Variants in GRID1 observed in about 807,000 individuals in gnomAD.
GRID1 encodes the protein glutamate receptor ionotropic, delta-1.
In GRID1, 28 loss-of-function variants were observed where a neutral mutation model predicts 98.0. That is an observed-to-expected ratio of 0.29 (90% CI 0.21 to 0.39). The LOEUF (loss-of-function observed/expected upper bound fraction) is 0.39. Ranked by LOEUF, GRID1 falls within the 10% of genes least tolerant of loss-of-function variation. The pLI, the probability that GRID1 is intolerant of heterozygous loss-of-function variation, is 1.00. For missense variants in GRID1, 1,111 were observed against 1,340.5 expected (o/e 0.83, Z 2.67); for synonymous variants, 553 against 538.5 (o/e 1.03, Z -0.37).
intron 6 of GRID1, among the ~76,000 whole-genome samples, chr10:85,863,406 G>T (rs1843184975): frequency 6.6e-6 from 1 of 152,166 alleles, no homozygotes; most frequent in African/African-American, 2.4e-5. Flanking sequence ...TGGGGATTAG[G>T]TTTCGACATG....
chr10:85,922,532 C>T (rs1278490062), intron 4 of GRID1, among the ~76,000 whole-genome samples: 3 of 152,200 alleles, frequency 2.0e-5, no homozygotes, highest in Non-Finnish European at 4.4e-5. Context: ...TTTAAAACCC[C>T]AACTCTAACA....
intron 2 of GRID1, among the ~76,000 whole-genome samples, chr10:86,279,804 G>C (rs1335009182): frequency 1.3e-5 from 2 of 152,150 alleles, no homozygotes; most frequent in Non-Finnish European, 2.9e-5. Flanking sequence ...AAGCAAAACT[G>C]TCTTTCTTCA....
At chr10:85,648,942 A>G (rs1350724293) in intron 12 of GRID1, among the ~76,000 whole-genome samples, 5 of 152,208 alleles carry the variant, frequency 3.3e-5, no homozygotes, top group African/African-American at 9.7e-5. Flanking sequence ...CCCACAACCA[A>G]CACTGTGGTC....
At chr10:86,239,100 T>C (rs1263614658) in intron 2 of GRID1, among the ~76,000 whole-genome samples, 1 of 152,226 alleles carries the variant, frequency 6.6e-6, no homozygotes, top group Non-Finnish European at 1.5e-5. Flanking sequence ...GGCTGAGCCC[T>C]GCAGAGCCAT....
At position 86,184,169 on chromosome 10, in the gene GRID1, A is replaced by G. The variant is rs138981991; in HGVS notation, c.520+22195T>C. The stretch of plus-strand genomic sequence containing the variant: ...TCTATACATGATTTCTTTATCAGCT[A>G]TGTGATTCATAAATATTTCTCCTCA... On this transcript the variant is annotated intron_variant, in intron 3 of 15. Coordinates refer to ENST00000327946, the MANE Select transcript of GRID1 (RefSeq NM_017551.3). Among the ~76,000 whole-genome samples, 1,276 of 152,314 alleles carry G rather than the reference A, an allele frequency of 8.4e-3. 22 individuals are homozygous for G. Among genetic ancestry groups the G allele is most frequent in the African/African-American group, 0.029 (1,212 of 41,566 alleles).
intron 3 of GRID1, among the ~76,000 whole-genome samples, chr10:86,166,001 A>G (rs1312565909): frequency 6.6e-6 from 1 of 152,224 alleles, no homozygotes; most frequent in Admixed American, 6.5e-5. Context: ...AGACACGGGA[A>G]CATTTCACAT....
At chr10:86,352,069 G>A (rs1040733190) in intron 2 of GRID1, among the ~76,000 whole-genome samples, 15 of 152,214 alleles carry the variant, frequency 9.9e-5, no homozygotes, top group Admixed American at 7.8e-4. Flanking sequence ...TTAGGAGGCC[G>A]AGGCGAGCGG....
intron 2 of GRID1, among the ~76,000 whole-genome samples, chr10:86,213,453 A>G (rs1589413271): frequency 1.3e-5 from 2 of 151,796 alleles, no homozygotes; most frequent in East Asian, 3.9e-4. Context: ...AGAAGCCATC[A>G]TCACAAGCTA....
chr10:85,996,195 A>C (rs1842736814), intron 4 of GRID1, among the ~76,000 whole-genome samples: 1 of 152,252 alleles, frequency 6.6e-6, no homozygotes, highest in Non-Finnish European at 1.5e-5. Flanking sequence ...ATTGCTCAGA[A>C]TAAGAACAAG....
At chr10:86,114,014 G>C (rs766248914) in intron 4 of GRID1, among the ~76,000 whole-genome samples, 1 of 152,032 alleles carries the variant, frequency 6.6e-6, no homozygotes, top group Non-Finnish European at 1.5e-5. Context: ...CTGTGTAGTG[G>C]AGAGATGAGC....
At chr10:85,901,937 T>G (rs771484462) in intron 5 of GRID1, among the ~76,000 whole-genome samples, 5 of 152,224 alleles carry the variant, frequency 3.3e-5, no homozygotes, top group Admixed American at 6.5e-5. Flanking sequence ...AGAATAGATC[T>G]ATTGTGATTA....
chr10:86,160,038 A>T (rs1431830531), intron 3 of GRID1, among the ~76,000 whole-genome samples: 1 of 151,894 alleles, frequency 6.6e-6, no homozygotes, highest in Non-Finnish European at 1.5e-5. Flanking sequence ...ACCACCATCA[A>T]CACCAGCATC....
chr10:85,832,697 G>C (rs554432354), intron 8 of GRID1, among the ~76,000 whole-genome samples: 11 of 152,148 alleles, frequency 7.2e-5, no homozygotes, highest in Non-Finnish European at 1.3e-4. Context: ...GAAAAACATA[G>C]TGACAGGGTG....
Position 86,206,389 on chromosome 10 carries a change from G to A in GRID1, c.495C>T (p.Phe165=), listed in dbSNP as rs554303814. ...RLVTELRWQK[F]VMFYDSEYDI... is the part of the protein sequence containing the mutation. ...CATACTCGCTGTCGTAGAACATGACGAACTTCTGCCAGCGCAGCTCCGTCA... is the reference window on the plus strand; with the variant it reads ...CATACTCGCTGTCGTAGAACATGACAAACTTCTGCCAGCGCAGCTCCGTCA... Residue 165 remains phenylalanine (F), a synonymous_variant, in exon 3 of 16, where the codon TTC becomes TTT. Transcript: ENST00000327946. This position sits in a 1 kb window ranked among gnomAD's most constrained non-coding sequence, Gnocchi z 4.1. 9 of 1,606,784 alleles carry A rather than the reference G, an allele frequency of 5.6e-6. No individual in the cohort carries two copies. Among genetic ancestry groups the A allele is most frequent in the South Asian group, 2.2e-5 (2 of 90,782 alleles).
At chr10:85,984,874 C>T (rs889118722) in intron 4 of GRID1, among the ~76,000 whole-genome samples, 1 of 130,850 alleles carries the variant, frequency 7.6e-6, no homozygotes, top group African/African-American at 2.6e-5. Context: ...GCTCTTAACA[C>T]TCTGACTCTT....
At chr10:86,108,834 T>C (rs1844432776) in intron 4 of GRID1, among the ~76,000 whole-genome samples, 1 of 152,140 alleles carries the variant, frequency 6.6e-6, no homozygotes, top group African/African-American at 2.4e-5. Context: ...TGCCTGTGAG[T>C]CTGGCAGTTG....
chr10:86,275,682 A>G (rs919258543), intron 2 of GRID1, among the ~76,000 whole-genome samples: 4 of 152,166 alleles, frequency 2.6e-5, no homozygotes, highest in Non-Finnish European at 5.9e-5. Context: ...AACAGACAGA[A>G]GACAGTGAAC....
chr10:85,850,333 G>GA (rs957928199), intron 8 of GRID1, among the ~76,000 whole-genome samples: 50 of 151,504 alleles, frequency 3.3e-4, no homozygotes, highest in African/African-American at 1.1e-3. Flanking sequence ...GCTTGTGGAG[G>GA]AAAAAAAAGA....
At chr10:85,957,185 T>G (rs1163780969) in intron 4 of GRID1, among the ~76,000 whole-genome samples, 1 of 152,158 alleles carries the variant, frequency 6.6e-6, no homozygotes, top group Non-Finnish European at 1.5e-5. Flanking sequence ...CAATTCGGAT[T>G]ACAATTCAAG....
Sources: allele counts gnomAD v4.1 joint callset (sites outside exome capture counted in the v4.1 genomes callset), GRCh38; gene constraint gnomAD v4.1.1; non-coding constraint Gnocchi (gnomAD v3.1); transcripts MANE v1.5; gene names NCBI Gene and HGNC (gene_info 2026-07-23, HGNC 2026-07-21).